The following ITFG1 variants were observed in gnomAD, a reference collection of about 807,000 sequenced individuals.
The protein encoded by ITFG1 is T-cell immunomodulatory protein.
A neutral mutation model predicts 81.8 loss-of-function variants in ITFG1; 34 were observed. That is an observed-to-expected ratio of 0.42 (90% CI 0.32 to 0.55). The LOEUF is 0.55. ITFG1 is among the 20% of genes least tolerant of loss of function. ITFG1 has a pLI of 0.17. For missense variants in ITFG1, 672 were observed against 755.4 expected, an observed-to-expected ratio of 0.89 and a Z score of 1.29; for synonymous variants, 285 against 270.6, an observed-to-expected ratio of 1.05 and a Z score of -0.52.
chr16:47,192,881 G>C (rs1385649467), intron 14 of ITFG1, among the ~76,000 whole-genome samples: 1 of 152,184 alleles, frequency 6.6e-6, no homozygotes, highest in East Asian at 1.9e-4. Context: ...GCCTCCAGGA[G>C]TTCTTAATGT....
At position 47,405,397 on chromosome 16, in the gene ITFG1, A is replaced by G. The variant is rs955465807; in HGVS notation, c.655+23407T>C. Among the ~76,000 whole-genome samples the G allele has an allele frequency of 2.0e-5, 3 of 152,216 alleles. No homozygotes were observed. In the East Asian group the frequency reaches 5.8e-4, roughly 29 times the overall value. ...AAAATAGGTTTTAGGCTGTTTATGAATAGAACATTTTATTTTTGTGGGCAA... is the reference window on the plus strand; with the variant it reads ...AAAATAGGTTTTAGGCTGTTTATGAGTAGAACATTTTATTTTTGTGGGCAA... On this transcript the variant is annotated intron_variant, in intron 6 of 17. Coordinates refer to ENST00000320640, the MANE Select transcript of ITFG1 (RefSeq NM_030790.5).
chr16:47,293,076 ATATG>A (rs1178974957), intron 10 of ITFG1, among the ~76,000 whole-genome samples: 7 of 147,782 alleles, frequency 4.7e-5, no homozygotes, highest in African/African-American at 9.9e-5. Flanking sequence ...ATATACATAT[ATATG>A]TATGTGTATA....
intron 11 of ITFG1, among the ~76,000 whole-genome samples, chr16:47,260,141 G>A (rs1966191645): frequency 6.6e-6 from 1 of 151,958 alleles, no homozygotes; most frequent in Non-Finnish European, 1.5e-5. Context: ...GTTTCTCTGT[G>A]TTAGCCAGGA....
chr16:47,452,655 C>T (rs1969403478), intron 4 of ITFG1, 78 bp downstream of exon 4: 1 of 902,650 alleles, frequency 1.1e-6, no homozygotes, highest in Non-Finnish European at 1.7e-6. Context: ...TATTACTAAG[C>T]AAAGTAGTTT....
At chr16:47,318,172 A>T (rs554747355) in intron 8 of ITFG1, among the ~76,000 whole-genome samples, 1 of 152,324 alleles carries the variant, frequency 6.6e-6, no homozygotes, top group African/African-American at 2.4e-5. Context: ...CAACCACCAT[A>T]GCAGTTTCTT....
chr16:47,174,641 C>T (rs936361128), intron 14 of ITFG1, among the ~76,000 whole-genome samples: 3 of 152,160 alleles, frequency 2.0e-5, no homozygotes, highest in African/African-American at 7.2e-5. Flanking sequence ...CTGCCTCAGC[C>T]TCCTGAGTAG....
At chr16:47,274,189 G>A (rs1966373716) in intron 10 of ITFG1, among the ~76,000 whole-genome samples, 1 of 152,038 alleles carries the variant, frequency 6.6e-6, no homozygotes, top group Non-Finnish European at 1.5e-5. Context: ...CCTGGGAGGT[G>A]GAGGTTGTGG....
chr16:47,207,948 C>T (rs1965521786), intron 14 of ITFG1, among the ~76,000 whole-genome samples: 1 of 152,086 alleles, frequency 6.6e-6, no homozygotes, highest in Non-Finnish European at 1.5e-5. Flanking sequence ...ATGTACCAGG[C>T]ATTGTATAAG....
intron 8 of ITFG1, among the ~76,000 whole-genome samples, chr16:47,324,570 G>A (rs1967501538): frequency 6.6e-6 from 1 of 152,226 alleles, no homozygotes; most frequent in Non-Finnish European, 1.5e-5. Flanking sequence ...AGACCCATCA[G>A]TGGGCTGTAT....
chr16:47,284,147 A>G (rs535511732), intron 10 of ITFG1, among the ~76,000 whole-genome samples: 45 of 152,322 alleles, frequency 3.0e-4, no homozygotes, highest in African/African-American at 1.1e-3. Flanking sequence ...AAATGTTTTA[A>G]AACTGACTGT....
intron 10 of ITFG1, among the ~76,000 whole-genome samples, chr16:47,309,521 C>G (rs1967224444): frequency 6.6e-6 from 1 of 152,160 alleles, no homozygotes; most frequent in African/African-American, 2.4e-5. Context: ...AGAAATGTAA[C>G]AGCAACTCTA....
intron 13 of ITFG1, among the ~76,000 whole-genome samples, chr16:47,228,548 G>T (rs1331151381): frequency 6.6e-6 from 1 of 152,136 alleles, no homozygotes; most frequent in Admixed American, 6.5e-5. Context: ...ATTCTGTAGA[G>T]ACAGGATCTC....
chr16:47,255,803 T>C (rs1966132091), intron 12 of ITFG1, among the ~76,000 whole-genome samples: 1 of 152,122 alleles, frequency 6.6e-6, no homozygotes, highest in Non-Finnish European at 1.5e-5. Flanking sequence ...TTAATGTGAA[T>C]GACACAAATA....
At chr16:47,379,168 G>A (rs1016669952) in intron 6 of ITFG1, among the ~76,000 whole-genome samples, 1 of 152,112 alleles carries the variant, frequency 6.6e-6, no homozygotes, top group Non-Finnish European at 1.5e-5. Context: ...CACAACTCAG[G>A]ACAACTCTAC....
intron 6 of ITFG1, among the ~76,000 whole-genome samples, chr16:47,389,093 A>G (rs1968498630): frequency 6.6e-6 from 1 of 152,168 alleles, no homozygotes; most frequent in Non-Finnish European, 1.5e-5. Context: ...TTCTGGACAT[A>G]TGTCTGGCTG....
chr16:47,460,554 G>C (rs1020319062), intron 1 of ITFG1, among the ~76,000 whole-genome samples: 1 of 152,152 alleles, frequency 6.6e-6, no homozygotes, highest in South Asian at 2.1e-4. Flanking sequence ...TGGGGAGGAG[G>C]GGGTAAGGTG....
chr16:47,387,059 A>T (rs1968471822), intron 6 of ITFG1, among the ~76,000 whole-genome samples: 1 of 152,158 alleles, frequency 6.6e-6, no homozygotes, highest in Admixed American at 6.5e-5. Flanking sequence ...ACTTAATTAT[A>T]TCAGACCATG....
chr16:47,218,593 G>C (rs539542466), intron 14 of ITFG1: 55 of 199,530 alleles, frequency 2.8e-4, no homozygotes, highest in African/African-American at 1.2e-3. Flanking sequence ...GATAACACAA[G>C]TAATTTCACC....
chr16:47,168,663 C>T (rs1290586654), intron 14 of ITFG1, among the ~76,000 whole-genome samples: 2 of 148,164 alleles, frequency 1.3e-5, no homozygotes, highest in Non-Finnish European at 3.0e-5. Context: ...TCTGGGATTA[C>T]AGGCATGAGC....
Sources: allele counts gnomAD v4.1 joint callset (sites outside exome capture counted in the v4.1 genomes callset), GRCh38; gene constraint gnomAD v4.1.1; transcripts MANE v1.5; gene names NCBI Gene and HGNC (gene_info 2026-07-23, HGNC 2026-07-21).